The following BRINP3 variants were observed in gnomAD, a reference collection of about 807,000 sequenced individuals.
BRINP3 encodes the protein BMP/retinoic acid-inducible neural-specific protein 3.
Under a neutral mutation model 71.0 loss-of-function variants are expected in BRINP3, and 19 were observed. The observed-to-expected ratio is 0.27, with a 90% confidence interval of 0.19 to 0.39. The LOEUF is 0.39. Among genes scored for constraint, BRINP3 ranks in the 10% least tolerant of loss-of-function variants. BRINP3 has a pLI of 1.00. For missense variants in BRINP3, 959 were observed against 940.8 expected (o/e 1.02, Z -0.25); for synonymous variants, 380 against 337.7 (o/e 1.13, Z -1.37).
intron 4 of BRINP3, among the ~76,000 whole-genome samples, chr1:190,255,236 C>CTTTTTTTTTTTTTTTTT (rs201421106): frequency 7.4e-6 from 1 of 134,620 alleles, no homozygotes. Flanking sequence ...AAAATTCTCT[C>CTTTTTTTTTTTTTTTTT]TTTTTTTTTT....
chr1:190,465,867 CA>C (rs1676711926), intron 1 of BRINP3, among the ~76,000 whole-genome samples: 1 of 151,472 alleles, frequency 6.6e-6, no homozygotes, highest in African/African-American at 2.4e-5. Flanking sequence ...AACAGTAAAA[CA>C]GAAGACAGTT....
intron 2 of BRINP3, among the ~76,000 whole-genome samples, chr1:190,356,240 T>A (rs1216578857): frequency 2.0e-5 from 3 of 152,036 alleles, no homozygotes; most frequent in South Asian, 4.1e-4. Context: ...GAACTTGAGA[T>A]GAAGTGTATA....
intron 5 of BRINP3, among the ~76,000 whole-genome samples, chr1:190,234,115 G>C (rs1034454071): frequency 6.6e-6 from 1 of 152,040 alleles, no homozygotes; most frequent in South Asian, 2.1e-4. Flanking sequence ...CTATACGTAA[G>C]AAAAATATTA....
At chr1:190,375,531 G>T (rs1365757678) in intron 2 of BRINP3, among the ~76,000 whole-genome samples, 1 of 151,818 alleles carries the variant, frequency 6.6e-6, no homozygotes, top group Admixed American at 6.6e-5. Flanking sequence ...CAGATAAAAA[G>T]CCTAGCATAT....
intron 2 of BRINP3, among the ~76,000 whole-genome samples, chr1:190,283,288 G>GA (rs1663178515): frequency 6.6e-6 from 1 of 151,886 alleles, no homozygotes; most frequent in African/African-American, 2.4e-5. Context: ...GAATCACCTG[G>GA]AAACTTCACA....
intron 7 of BRINP3, among the ~76,000 whole-genome samples, chr1:190,136,240 A>G (rs1040812690): frequency 6.6e-6 from 1 of 152,102 alleles, no homozygotes; most frequent in African/African-American, 2.4e-5. Flanking sequence ...TTTTGTTTTA[A>G]AAAGATAATT....
At chr1:190,143,576 T>C (rs1655638882) in intron 7 of BRINP3, among the ~76,000 whole-genome samples, 1 of 152,188 alleles carries the variant, frequency 6.6e-6, no homozygotes, top group African/African-American at 2.4e-5. Flanking sequence ...AACTGAGTTA[T>C]TCCTCTATCT....
At chr1:190,466,856 A>G (rs1202112732) in intron 1 of BRINP3, among the ~76,000 whole-genome samples, 3 of 151,566 alleles carry the variant, frequency 2.0e-5, no homozygotes, top group Non-Finnish European at 4.4e-5. Flanking sequence ...TGTAAATAAA[A>G]CACTCGTAAT....
chr1:190,360,330 T>G (rs1669057395), intron 2 of BRINP3, among the ~76,000 whole-genome samples: 1 of 152,152 alleles, frequency 6.6e-6, no homozygotes, highest in African/African-American at 2.4e-5. Flanking sequence ...TGTTAATAAT[T>G]TATACTAGAA....
chr1:190,299,308 T>C (rs1385359240), intron 2 of BRINP3, among the ~76,000 whole-genome samples: 1 of 152,070 alleles, frequency 6.6e-6, no homozygotes, highest in Non-Finnish European at 1.5e-5. Context: ...TTTAAAGTAA[T>C]GATTAACATT....
At chr1:190,211,606 A>T (rs907414492) in intron 6 of BRINP3, among the ~76,000 whole-genome samples, 1 of 152,108 alleles carries the variant, frequency 6.6e-6, no homozygotes, top group African/African-American at 2.4e-5. Context: ...GCAAATAAAT[A>T]TGTTGTTCTC....
chr1:190,119,017 G>T (rs12091643), intron 7 of BRINP3, among the ~76,000 whole-genome samples: 61,274 of 151,800 alleles, frequency 0.4, 13,297 homozygotes, highest in Non-Finnish European at 0.49. Flanking sequence ...AATAATAACA[G>T]TTAAAATATA....
rs143045927 is a variant in BRINP3, at chr1:190,314,540, G to C, written c.237-32790C>G. ...AAGAAGGAATCAGCTTAACCATGCTGTCTGAAAGCTGGACTAATGGGGGCA... is the reference window on the plus strand; with the variant it reads ...AAGAAGGAATCAGCTTAACCATGCTCTCTGAAAGCTGGACTAATGGGGGCA... On this transcript the variant is annotated intron_variant, in intron 2 of 7. Transcript: ENST00000367462. Among the ~76,000 whole-genome samples the C allele has an allele frequency of 3.0e-3, 450 of 152,272 alleles. 1 individual carries two copies. The highest frequency in any genetic ancestry group is 3.6e-3 in the Non-Finnish European group (243 of 68,028).
intron 6 of BRINP3, among the ~76,000 whole-genome samples, chr1:190,195,063 A>G: frequency 6.6e-6 from 1 of 152,064 alleles, no homozygotes; most frequent in African/African-American, 2.4e-5. Context: ...TTTAAGGGTT[A>G]GTCCTCTAAA....
At chr1:190,374,555 T>C (rs1314663574) in intron 2 of BRINP3, among the ~76,000 whole-genome samples, 1 of 102,746 alleles carries the variant, frequency 9.7e-6, no homozygotes, top group Non-Finnish European at 2.1e-5. Context: ...TTCACTAGAG[T>C]AAACTGAAAA....
At chr1:190,414,675 C>T (rs1264188150) in intron 2 of BRINP3, among the ~76,000 whole-genome samples, 1 of 152,126 alleles carries the variant, frequency 6.6e-6, no homozygotes, top group Non-Finnish European at 1.5e-5. Flanking sequence ...CCACCAATAT[C>T]CATTTACATC....
chr1:190,448,417 T>C (rs1306256727), intron 2 of BRINP3, among the ~76,000 whole-genome samples: 1 of 151,476 alleles, frequency 6.6e-6, no homozygotes, highest in Non-Finnish European at 1.5e-5. Context: ...TGCACTAAAT[T>C]CTATATTTAA....
intron 2 of BRINP3, among the ~76,000 whole-genome samples, chr1:190,337,669 A>G (rs933316228): frequency 1.3e-5 from 2 of 152,062 alleles, no homozygotes; most frequent in African/African-American, 4.8e-5. Context: ...CTGAGCTGTC[A>G]GCTTCCCTAC....
At chr1:190,109,550 A>C (rs1652489331) in intron 7 of BRINP3, among the ~76,000 whole-genome samples, 1 of 152,234 alleles carries the variant, frequency 6.6e-6, no homozygotes, top group Non-Finnish European at 1.5e-5. Context: ...AGATAGCTGG[A>C]CAAGCATCAT....
Sources: gnomAD v4.1 joint callset for allele counts (sites outside exome capture counted in the v4.1 genomes callset) on GRCh38, gnomAD v4.1.1 for gene constraint, MANE v1.5 for transcripts, NCBI Gene and HGNC (gene_info 2026-07-23, HGNC 2026-07-21) for gene names.